HS3ST5: variants seen among roughly 807,000 people sequenced by gnomAD.
HS3ST5 encodes heparan sulfate glucosamine 3-O-sulfotransferase 5.
Under a neutral mutation model 25.4 loss-of-function variants are expected in HS3ST5, and 10 were observed. The ratio of observed to expected loss-of-function variants is 0.39; its 90% confidence interval spans 0.24 to 0.67. The LOEUF is 0.67. Ranked by LOEUF, HS3ST5 falls within the 30% of genes least tolerant of loss-of-function variation. HS3ST5 has a pLI of 0.44. For missense variants in HS3ST5, 324 were observed against 420.7 expected (o/e 0.77, Z 2.01); for synonymous variants, 170 against 162.4 (o/e 1.05, Z -0.36).
chr6:114,165,086 T>A (rs996248140), intron 3 of HS3ST5, among the ~76,000 whole-genome samples: 1 of 152,188 alleles, frequency 6.6e-6, no homozygotes. Context: ...TTTAAAATGA[T>A]GTATGGATGG....
At chr6:114,261,718 C>T (rs1582768604) in intron 1 of HS3ST5, among the ~76,000 whole-genome samples, 1 of 152,160 alleles carries the variant, frequency 6.6e-6, no homozygotes, top group East Asian at 1.9e-4. Flanking sequence ...GATTAATATT[C>T]TTACATTAGA....
chr6:114,299,154 G>A (rs1355046911), intron 1 of HS3ST5, among the ~76,000 whole-genome samples: 3 of 152,148 alleles, frequency 2.0e-5, no homozygotes, highest in Admixed American at 6.5e-5. Flanking sequence ...CTGAGGGTGG[G>A]CCTCTAAAAT....
intron 3 of HS3ST5, among the ~76,000 whole-genome samples, chr6:114,095,155 T>TTCTA (rs1317373377): frequency 6.6e-6 from 1 of 152,202 alleles, no homozygotes; most frequent in Non-Finnish European, 1.5e-5. Flanking sequence ...TCGTGAGAAT[T>TTCTA]TGTAACACAG....
chr6:114,320,910 CTCTCTATA>C (rs1775941605), intron 1 of HS3ST5, among the ~76,000 whole-genome samples: 1 of 108,562 alleles, frequency 9.2e-6, no homozygotes, highest in African/African-American at 4.1e-5. Context: ...CTCTCTCTCT[CTCTCTATA>C]TATATATATA....
intron 3 of HS3ST5, among the ~76,000 whole-genome samples, chr6:114,097,681 G>T (rs1775506913): frequency 7.8e-6 from 1 of 127,402 alleles, no homozygotes; most frequent in African/African-American, 2.9e-5. Context: ...AAATTATTTT[G>T]GGGATAGAAG....
At chr6:114,317,232 A>G (rs986398503) in intron 1 of HS3ST5, among the ~76,000 whole-genome samples, 6 of 152,282 alleles carry the variant, frequency 3.9e-5, no homozygotes, top group Non-Finnish European at 8.8e-5. Flanking sequence ...AAATAATTTT[A>G]TTTTCAGTTT....
At chr6:114,305,273 G>A (rs1775242563) in intron 1 of HS3ST5, among the ~76,000 whole-genome samples, 1 of 152,130 alleles carries the variant, frequency 6.6e-6, no homozygotes, top group African/African-American at 2.4e-5. Context: ...CATACTCAGA[G>A]TGGCATATAC....
intron 1 of HS3ST5, among the ~76,000 whole-genome samples, chr6:114,302,419 C>G (rs780791253): frequency 6.6e-6 from 1 of 152,222 alleles, no homozygotes; most frequent in South Asian, 2.1e-4. Context: ...CATTTCACCA[C>G]CATGGCTATA....
chr6:114,223,082 C>T (rs1782116060), intron 2 of HS3ST5, among the ~76,000 whole-genome samples: 1 of 150,458 alleles, frequency 6.6e-6, no homozygotes, highest in South Asian at 2.1e-4. Flanking sequence ...TATAATAGTT[C>T]GATTTAATTT....
chr6:114,225,732 G>T (rs1414285769), intron 2 of HS3ST5, among the ~76,000 whole-genome samples: 1 of 151,914 alleles, frequency 6.6e-6, no homozygotes, highest in Admixed American at 6.6e-5. Context: ...AATAACACAT[G>T]CAGGATAGCT....
intron 1 of HS3ST5, among the ~76,000 whole-genome samples, chr6:114,231,921 C>G (rs528945233): frequency 4.6e-5 from 7 of 152,200 alleles, no homozygotes; most frequent in Admixed American, 3.9e-4. Context: ...AAAAGAAGAA[C>G]TGGGTTCTGT....
At chr6:114,288,285 A>G (rs190943470) in intron 1 of HS3ST5, among the ~76,000 whole-genome samples, 24 of 152,216 alleles carry the variant, frequency 1.6e-4, no homozygotes, top group African/African-American at 5.5e-4. Context: ...GCAATTATTG[A>G]ATGGCAAAAT....
intron 3 of HS3ST5, among the ~76,000 whole-genome samples, chr6:114,116,531 C>T (rs1369286679): frequency 6.6e-6 from 1 of 152,062 alleles, no homozygotes; most frequent in East Asian, 1.9e-4. Context: ...ATCCATTTAC[C>T]CCACAGACCT....
rs2114972978 is a variant in HS3ST5, at chr6:114,156,759, G to A, written c.-33+11592C>T. ...AACATTTCATCTCAGTGGTCATCAT[G>A]ATAACCCCCTCTTCACATTTCCCTA... is the stretch of plus-strand genomic sequence containing the variant. On this transcript the variant is annotated intron_variant, in intron 3 of 4. Transcript: ENST00000312719. 1.3e-5 allele frequency among the ~76,000 whole-genome samples: 2 copies of A among 151,542 alleles called. 1 individual carries two copies. The highest frequency in any genetic ancestry group is 4.2e-4 in the South Asian group (2 of 4,788).
intron 1 of HS3ST5, among the ~76,000 whole-genome samples, chr6:114,332,208 T>C (rs981136287): frequency 6.6e-6 from 1 of 152,120 alleles, no homozygotes; most frequent in Non-Finnish European, 1.5e-5. Context: ...GCAGTTAGAA[T>C]ACTAGAGAAA....
At position 114,172,659 on chromosome 6, in the gene HS3ST5, A is replaced by G. The variant is rs547570336; in HGVS notation, c.-144-4197T>C. On this transcript the variant is annotated intron_variant, in intron 2 of 4. Transcript: ENST00000312719. ...AAAAGATTTTTAAATGACTGGGGGG[A>G]AAAGAAAACTTTGAGAAACTAGTTT... 2.6e-5 allele frequency among the ~76,000 whole-genome samples: 4 copies of G among 152,148 alleles called. No homozygotes were observed. In the South Asian group the frequency reaches 6.2e-4, roughly 24 times the overall value.
Position 114,098,742 on chromosome 6 carries a change from A to G in HS3ST5, c.-32-35865T>C, listed in dbSNP as rs1775575929. Among the ~76,000 whole-genome samples, 4 of 152,066 alleles carry G rather than the reference A, an allele frequency of 2.6e-5. No homozygotes were observed. The South Asian group carries it at 8.3e-4, about 32-fold the overall frequency. On this transcript the variant is annotated intron_variant, in intron 3 of 4. Coordinates refer to ENST00000312719, the MANE Select transcript of HS3ST5 (RefSeq NM_153612.4). ...CTGAGGTAATTTGCATTCATCTTAG[A>G]ATAAATAACTGTGTAAAGCCATTGG...
rs59793284 is a variant in HS3ST5 at position 114,286,155 on chromosome 6, G to C, written c.-339+56040C>G. ...AATGCTGTTTTTGATAAGAAAATAA[G>C]AAAAGTATTTTTAAGAAAAAAATTA... On this transcript the variant is annotated intron_variant, in intron 1 of 4. Coordinates refer to ENST00000312719, the MANE Select transcript of HS3ST5 (RefSeq NM_153612.4). Among the ~76,000 whole-genome samples the C allele has an allele frequency of 5.2e-3, 784 of 151,766 alleles. 5 individuals carry two copies. Among genetic ancestry groups the C allele is most frequent in the African/African-American group, 0.018 (749 of 41,410 alleles).
intron 3 of HS3ST5, chr6:114,167,657 C>G (rs1316494612): frequency 1.3e-5 from 2 of 152,178 alleles, no homozygotes; most frequent in East Asian, 3.9e-4. Context: ...TGGTGACATG[C>G]TGGTTTCCCC....
Sources: gnomAD v4.1 joint callset for allele counts (sites outside exome capture counted in the v4.1 genomes callset) on GRCh38, gnomAD v4.1.1 for gene constraint, MANE v1.5 for transcripts, NCBI Gene and HGNC (gene_info 2026-07-23, HGNC 2026-07-21) for gene names.